Variants in OR2C1 observed in about 807,000 individuals in gnomAD.
OR2C1 encodes olfactory receptor 2C1.
For missense variants in OR2C1, 468 were observed against 388.3 expected (o/e 1.21, Z -1.73); for synonymous variants, 209 against 167.3 (o/e 1.25, Z -1.92).
the OR2C1 span, chr16:3,323,533 C>T: frequency 4.0e-6 from 3 of 751,784 alleles, no homozygotes; most frequent in African/African-American, 3.4e-5. Context: ...CCACTATACG[C>T]AGCATTTTTA....
chr16:3,356,549 C>A lies in OR2C1; in HGVS notation c.609C>A (p.Cys203Ter). ...SLNQAVLNGV[C>*]TFFTAVPLSI... is the part of the protein sequence containing the mutation. ...ACCAGGCTGTGCTCAATGGTGTCTG[C>A]ACCTTCTTCACTGCAGTCCCACTAA... Residue 203 changes from cysteine (C) to a stop codon, truncating the protein, a stop_gained, in exon 1 of 1, where the codon TGC (cysteine) becomes TGA (stop). Coordinates refer to ENST00000304936, the MANE Select transcript of OR2C1 (RefSeq NM_012368.3). LOFTEE classifies it low-confidence loss of function (END_TRUNC). The A allele has an allele frequency of 6.2e-7, 1 of 1,614,162 alleles. No homozygotes were observed. Among genetic ancestry groups the A allele is most frequent in the Non-Finnish European group, 8.5e-7 (1 of 1,180,036 alleles).
the OR2C1 span, among the ~76,000 whole-genome samples, chr16:3,327,895 A>C: frequency 6.6e-6 from 1 of 152,176 alleles, no homozygotes; most frequent in Non-Finnish European, 1.5e-5. Context: ...CAAAGCATTA[A>C]AATTTCATTA....
In OR2C1 at chr16:3,356,951, T is replaced by C. The variant is rs755864711; in HGVS notation, c.*72T>C. ...TTCTCATTAACTCTCTCTGGCCAGGTGAACATGAGGAATACTAATTCCGGT... is the reference window on the plus strand; with the variant it reads ...TTCTCATTAACTCTCTCTGGCCAGGCGAACATGAGGAATACTAATTCCGGT... On this transcript the variant is annotated 3_prime_UTR_variant, in exon 1 of 1. Transcript: ENST00000304936. 4 of 1,287,466 alleles carry C rather than the reference T, an allele frequency of 3.1e-6. No homozygotes were observed. The highest frequency in any genetic ancestry group is 3.2e-6 in the Non-Finnish European group (3 of 944,052). 79.8% of individuals were successfully genotyped at this position (1,287,466 alleles called of 1,614,324 possible).
At chr16:3,340,982 C>T in the OR2C1 span, among the ~76,000 whole-genome samples, 1 of 141,692 alleles carries the variant, frequency 7.1e-6, no homozygotes, top group Non-Finnish European at 1.5e-5. Context: ...TTCCTTCCTG[C>T]AAAAAAAAAA....
the OR2C1 span, among the ~76,000 whole-genome samples, chr16:3,331,660 C>G: frequency 1.3e-5 from 2 of 152,152 alleles, no homozygotes; most frequent in African/African-American, 4.8e-5. Flanking sequence ...TTCCCCATTG[C>G]TTGTTTTTGT....
the OR2C1 span, among the ~76,000 whole-genome samples, chr16:3,328,409 C>T: frequency 7.9e-5 from 12 of 152,168 alleles, no homozygotes; most frequent in Admixed American, 3.9e-4. Flanking sequence ...AGGATTACTC[C>T]GCCTAAGTTT....
the OR2C1 span, chr16:3,323,874 T>G: frequency 3.7e-6 from 5 of 1,362,822 alleles, no homozygotes; most frequent in Non-Finnish European, 5.1e-6. Context: ...TTCCTCTTTT[T>G]CAGGAGATTT....
the OR2C1 span, among the ~76,000 whole-genome samples, chr16:3,341,844 C>T: frequency 6.6e-6 from 1 of 152,156 alleles, no homozygotes; most frequent in Non-Finnish European, 1.5e-5. Flanking sequence ...TATTCAGCTC[C>T]TCTCTCCTCC....
upstream of OR2C1, among the ~76,000 whole-genome samples, chr16:3,351,229 T>TTC (rs2030569993): frequency 3.5e-5 from 2 of 57,802 alleles, no homozygotes; most frequent in African/African-American, 1.2e-4. Context: ...TCTTTTTCTT[T>TTC]TTTTTTTTTT....
At chr16:3,324,936 A>G in the OR2C1 span, among the ~76,000 whole-genome samples, 4 of 152,112 alleles carry the variant, frequency 2.6e-5, no homozygotes, top group Non-Finnish European at 4.4e-5. Flanking sequence ...AGTTATATTT[A>G]CACTGTACTG....
the OR2C1 span, among the ~76,000 whole-genome samples, chr16:3,324,415 C>G: frequency 6.6e-6 from 1 of 152,168 alleles, no homozygotes; most frequent in African/African-American, 2.4e-5. Context: ...GTCTCGAACT[C>G]CTGAGCTCAG....
At chr16:3,352,962 C>T (rs150257668), upstream of OR2C1, among the ~76,000 whole-genome samples, 801 of 150,954 alleles carry the variant, frequency 5.3e-3, 7 homozygotes, top group East Asian at 0.016. Flanking sequence ...AGGATGGTCT[C>T]GAACTCCCGA....
rs1218763 is a variant in OR2C1, at chr16:3,356,387, C to G, written c.447C>G (p.Cys149Trp). ...GCTGGCTGCTGGCTGTGATTGCCTG[C>G]CTGGGTGGCTTGGGCAACTCTGTGA... ...QLCWLLAVIA[C>W]LGGLGNSVIQ... The change falls in exon 1 of 1, where the codon TGC (cysteine) becomes TGG (tryptophan). Residue 149 changes from cysteine to tryptophan, a missense_variant. Coordinates refer to ENST00000304936, the MANE Select transcript of OR2C1 (RefSeq NM_012368.3). 1 allele frequency: 1,613,289 copies of G among 1,613,802 alleles called. 806,392 individuals are homozygous for G. Among genetic ancestry groups the G allele is most frequent in the East Asian group, 1 (44,882 of 44,882 alleles).
the OR2C1 span, among the ~76,000 whole-genome samples, chr16:3,333,211 A>ATTTTTTTTTTTTTTTTTTTT: frequency 6.1e-5 from 4 of 65,844 alleles, no homozygotes; most frequent in Admixed American, 1.9e-4. Context: ...TCTTTTGCCC[A>ATTTTTTTTTTTTTTTTTTTT]TTTTTTTTTT....
At chr16:3,348,096 A>C in the OR2C1 span, among the ~76,000 whole-genome samples, 2 of 152,244 alleles carry the variant, frequency 1.3e-5, no homozygotes, top group African/African-American at 4.8e-5. Context: ...ACTAGTGTAA[A>C]TTAAAACATG....
chr16:3,335,590 A>G, the OR2C1 span, among the ~76,000 whole-genome samples: 5 of 134,800 alleles, frequency 3.7e-5, no homozygotes, highest in Admixed American at 4.3e-4. Context: ...GCAGTAGCGC[A>G]ATATTGGCTC....
the OR2C1 span, among the ~76,000 whole-genome samples, chr16:3,326,678 C>G: frequency 6.6e-6 from 1 of 152,206 alleles, no homozygotes; most frequent in South Asian, 2.1e-4. Context: ...GATTCTACCT[C>G]CTTGGTTAGA....
chr16:3,343,395 C>T, the OR2C1 span, among the ~76,000 whole-genome samples: 6 of 152,130 alleles, frequency 3.9e-5, no homozygotes, highest in Non-Finnish European at 7.3e-5. Flanking sequence ...TGTCTAGCCT[C>T]TGTATTATTT....
chr16:3,323,171 G>T, the OR2C1 span: 3 of 619,214 alleles, frequency 4.8e-6, no homozygotes, highest in South Asian at 3.5e-5. Flanking sequence ...ATTTACTGCA[G>T]TTTGGCACCT....
Sources: gnomAD v4.1 joint callset for allele counts (sites outside exome capture counted in the v4.1 genomes callset) on GRCh38, gnomAD v4.1.1 for gene constraint, MANE v1.5 for transcripts, NCBI Gene and HGNC (gene_info 2026-07-23, HGNC 2026-07-21) for gene names.